Variants in IGSF1 observed in about 807,000 individuals in gnomAD.
IGSF1 encodes the protein immunoglobulin superfamily member 1.
IGSF1 carries 40 observed loss-of-function variants against 95.3 expected under a neutral mutation model. The observed-to-expected ratio is 0.42, with a 90% CI of 0.33 to 0.55. The LOEUF (loss-of-function observed/expected upper bound fraction) is 0.55. Ranked by LOEUF, IGSF1 falls within the 20% of genes least tolerant of loss-of-function variation. The pLI, the probability that IGSF1 is intolerant of heterozygous loss-of-function variation, is 0.10. For synonymous variants in IGSF1, 372 were observed against 382.9 expected, an observed-to-expected ratio of 0.97 and a Z score of 0.33; for missense variants, 906 against 1,025.4, an observed-to-expected ratio of 0.88 and a Z score of 1.59.
intron 5 of IGSF1, chrX:131,284,946 C>T: frequency 1.4e-6 from 1 of 726,655 alleles, no homozygotes; most frequent in Non-Finnish European, 1.8e-6. Flanking sequence ...GCTGAAGCTG[C>T]TGGCCAGTTG....
In IGSF1 at chrX:131,285,937, A is replaced by C. The variant is rs1192783121; in HGVS notation, c.209T>G (p.Leu70Arg). ...GGTCATCTGTGTCTTATCCTTCAGC[A>C]GCAGGAACTTGCTTGATATCCGAGA... ...SPSRISSKFL[L>R]LKDKTQMTWI... The change falls in exon 4 of 20, where the codon CTG (leucine) becomes CGG (arginine). Residue 70 changes from leucine (L) to arginine (R), a missense_variant. Leu to Arg is a moderately radical substitution (Grantham distance 102). Coordinates refer to ENST00000361420, the MANE Select transcript of IGSF1 (RefSeq NM_001555.5). The C allele has an allele frequency of 8.3e-7, 1 of 1,211,715 alleles. No individual in the cohort carries two copies. Among genetic ancestry groups the C allele is most frequent in the African/African-American group, 1.7e-5 (1 of 57,804 alleles).
chrX:131,281,882 T>C lies in IGSF1; in HGVS notation c.1309A>G (p.Ile437Val). 2 of 1,210,602 alleles carry C rather than the reference T, an allele frequency of 1.7e-6. No individual in the cohort carries two copies. Among genetic ancestry groups the C allele is most frequent in the Non-Finnish European group, 2.2e-6 (2 of 894,759 alleles). ...PSTVFKLGKA[I>V]TLQCRVSHPV... ...TGAGATACTCGGCACTGAAGGGTGATGGCCTTTCCTAGCTTGAACACAGTG... is the reference window on the plus strand; with the variant it reads ...TGAGATACTCGGCACTGAAGGGTGACGGCCTTTCCTAGCTTGAACACAGTG... The change falls in exon 8 of 20, where the codon ATC (isoleucine) becomes GTC (valine). Residue 437 changes from isoleucine (I) to valine (V), a missense_variant. Ile to Val is a conservative substitution (Grantham distance 29). Around this residue, in one of 5 missense-constraint regions of IGSF1, gnomAD observed 442 missense variants for 448.1 expected, o/e 0.99. Transcript: ENST00000361420.
chrX:131,279,542 A>G (rs1214589085), intron 9 of IGSF1, among the ~76,000 whole-genome samples: 1 of 109,824 alleles, frequency 9.1e-6, no homozygotes, highest in East Asian at 2.9e-4. Context: ...TTGCTCTTTC[A>G]TGACCCACGT....
chrX:131,286,065 T>A lies in IGSF1; in HGVS notation c.98-17A>T. On this transcript the variant is annotated splice_polypyrimidine_tract_variant and intron_variant, in intron 3 of 19. Coordinates refer to ENST00000361420, the MANE Select transcript of IGSF1 (RefSeq NM_001555.5). The stretch of plus-strand genomic sequence containing the variant: ...GGTCCATCACTGTTATTCCCAAAGA[T>A]CAAAAAGATATGAGCAGTCCAACCC... The A allele has an allele frequency of 8.5e-7, 1 of 1,173,807 alleles. No individual in the cohort carries two copies. Among genetic ancestry groups the A allele is most frequent in the Admixed American group, 2.3e-5 (1 of 43,286 alleles).
rs200148030 is a variant in IGSF1, at chrX:131,275,469, T to C, written c.3184+9A>G. ...CTTCCATGCCCACTCGACAGCCTCT[T>C]CCCCTTACCTGTGACTAGGAGTTCC... is the stretch of plus-strand genomic sequence containing the variant. On this transcript the variant is annotated intron_variant, in intron 16 of 19. Transcript: ENST00000361420. 14 of 1,204,850 alleles carry C rather than the reference T, an allele frequency of 1.2e-5. No individual in the cohort carries two copies. Among genetic ancestry groups the C allele is most frequent in the Admixed American group, 4.4e-5 (2 of 45,744 alleles).
chrX:131,277,825 C>G (rs2124093827), intron 13 of IGSF1, 31 bp downstream of exon 13: 7 of 1,190,018 alleles, frequency 5.9e-6, no homozygotes, highest in Non-Finnish European at 7.9e-6. Context: ...CCACCCTGCC[C>G]CCTTTCCTCC....
In IGSF1 at chrX:131,282,664, C is replaced by A. The variant is rs1339547865; in HGVS notation, c.1026G>T (p.Arg342=). The A allele has an allele frequency of 8.3e-7, 1 of 1,210,809 alleles. No homozygotes were observed. Among genetic ancestry groups the A allele is most frequent in the Non-Finnish European group, 1.1e-6 (1 of 894,584 alleles). Residue 342 remains arginine, a synonymous_variant, in exon 7 of 20, where the codon CGG becomes CGT. Transcript: ENST00000361420. ...CCACTCCATCCACTGGTCCTCGACA[C>A]CGTAGGCTCACATTCTGACCCATTT... ...VVQMGQNVSL[R]CRGPVDGVGL... is the part of the protein sequence containing the mutation.
At chrX:131,285,592 C>T in intron 4 of IGSF1, 126 bp from the exon 5 acceptor site, 1 of 852,082 alleles carries the variant, frequency 1.2e-6, no homozygotes, top group Non-Finnish European at 1.6e-6. Context: ...CCTCCTTCTC[C>T]TATCTCTGCT....
chrX:131,275,817 C>G, intron 15 of IGSF1, 52 bp from the exon 16 acceptor site: 10 of 1,169,321 alleles, frequency 8.6e-6, no homozygotes, highest in Non-Finnish European at 1.0e-5. Flanking sequence ...TTATGAGTTC[C>G]TGCTTAAATT....
Position 131,278,740 on chromosome X carries a change from G to C in IGSF1, c.1762C>G (p.Pro588Ala). ...GCCCACAGCTCAGGCTTAGGGGTTGGCATGACTATTTCTAGAAACAGCAGA... is the reference window on the plus strand; with the variant it reads ...GCCCACAGCTCAGGCTTAGGGGTTGCCATGACTATTTCTAGAAACAGCAGA... Reference protein sequence around the residue: ...VLIEETEIVMPTPKPELWAET... With the variant: ...VLIEETEIVMATPKPELWAET... The change falls in exon 12 of 20, where the codon CCA becomes GCA. Residue 588 changes from proline to alanine, a missense_variant. Physicochemically the swap from Pro to Ala is conservative, Grantham distance 27. Transcript: ENST00000361420. 2 of 1,207,818 alleles carry C rather than the reference G, an allele frequency of 1.7e-6. No homozygotes were observed. Among genetic ancestry groups the C allele is most frequent in the Non-Finnish European group, 2.2e-6 (2 of 893,096 alleles).
intron 1 of IGSF1, among the ~76,000 whole-genome samples, chrX:131,287,177 G>A (rs199675401): frequency 4.3e-4 from 42 of 98,175 alleles, no homozygotes; most frequent in Middle Eastern, 5.2e-3. Context: ...GTGTGTGTGT[G>A]TATATATATA....
chrX:131,280,920 C>T (rs1180691676), intron 9 of IGSF1: 2 of 230,234 alleles, frequency 8.7e-6, no homozygotes, highest in African/African-American at 5.7e-5. Context: ...CATCAATCAT[C>T]TCTGAGGGCA....
chrX:131,274,328 A>T, intron 18 of IGSF1, 122 bp from the exon 19 acceptor site: 2 of 927,426 alleles, frequency 2.2e-6, no homozygotes, highest in Non-Finnish European at 3.0e-6. Context: ...ATCTGTTCAG[A>T]CTACAGAGGG....
At chrX:131,284,784 A>G in intron 5 of IGSF1, 1 of 845,598 alleles carries the variant, frequency 1.2e-6, no homozygotes, top group Non-Finnish European at 1.4e-6. Flanking sequence ...AAAAATAACA[A>G]TTACAAATAA....
chrX:131,277,865 C>A lies in IGSF1; in HGVS notation c.2311G>T (p.Val771Phe). The change falls in exon 13 of 20, where the codon GTC (valine) becomes TTC (phenylalanine). Residue 771 changes from valine to phenylalanine, a missense_variant. By Grantham distance (50) the Val-to-Phe change is conservative. This residue lies in a region of IGSF1 where 411 missense variants were observed against 494.9 expected (regional missense o/e 0.83). Transcript: ENST00000361420. ...CCCTTTTCAGCTCTACCTTTTATGA[C>A]AAGCTCCAGCGGCTCACTGGGCTCA... ...WSEPSEPLEL[V>F]IKEMYPKPFF... 8.3e-7 allele frequency: 1 copy of A among 1,207,915 alleles called. No homozygotes were observed. The highest frequency in any genetic ancestry group is 3.0e-5 in the East Asian group (1 of 33,755).
intron 13 of IGSF1, chrX:131,277,568 C>T (rs2080492485): frequency 5.3e-6 from 2 of 375,261 alleles, no homozygotes; most frequent in Non-Finnish European, 9.1e-6. Context: ...CCTGCTTCAC[C>T]CACCTTGAAG....
chrX:131,280,566 GC>G (rs1432516551), intron 9 of IGSF1, among the ~76,000 whole-genome samples: 1 of 111,898 alleles, frequency 8.9e-6, no homozygotes, highest in East Asian at 2.8e-4. Flanking sequence ...GAGGCAGATG[GC>G]CCAGAGCACA....
In IGSF1 at chrX:131,286,688, C is replaced by G; in HGVS notation, c.-14G>C. 1.7e-6 allele frequency: 2 copies of G among 1,147,455 alleles called. No individual in the cohort carries two copies. The highest frequency in any genetic ancestry group is 2.3e-6 in the Non-Finnish European group (2 of 865,717). The allele number at this position is 1,147,455 out of a possible 1,213,427, so 94.6% of individuals were successfully genotyped here. ...GTCCAGGGTCATGGGGCCTCTGGTG[C>G]TGGCTGTGTGCTCTGAGTCTTGAAG... On this transcript the variant is annotated 5_prime_UTR_variant, in exon 2 of 20. Transcript: ENST00000361420.
chrX:131,281,536 A>G, intron 8 of IGSF1, 130 bp downstream of exon 8: 1 of 884,621 alleles, frequency 1.1e-6, no homozygotes, highest in Non-Finnish European at 1.6e-6. Context: ...AGACCACCCC[A>G]GGGGAAGGGT....
Sources: gnomAD v4.1 joint callset for allele counts (sites outside exome capture counted in the v4.1 genomes callset) on GRCh38, gnomAD v4.1.1 for gene constraint, gnomAD v4.1.1 regional missense constraint, MANE v1.5 for transcripts, NCBI Gene and HGNC (gene_info 2026-07-23, HGNC 2026-07-21) for gene names.